UTP20: variants seen among roughly 807,000 people sequenced by gnomAD.
The protein encoded by UTP20 is UTP20 small subunit processome component, also known as small subunit processome component 20 homolog.
Under a neutral mutation model 329.5 loss-of-function variants are expected in UTP20, and 164 were observed. The ratio of observed to expected loss-of-function variants is 0.50; its 90% CI spans 0.44 to 0.57. The LOEUF (loss-of-function observed/expected upper bound fraction) is 0.57. Ranked by LOEUF, UTP20 falls within the 20% of genes least tolerant of loss-of-function variation. The probability of loss-of-function intolerance (pLI) is 0.00; values close to 1 mark genes in which losing one functional copy is unlikely to be tolerated. For missense variants in UTP20, 3,055 were observed against 3,284.2 expected, an observed-to-expected ratio of 0.93 and a Z score of 1.71; for synonymous variants, 1,151 against 1,159.3, an observed-to-expected ratio of 0.99 and a Z score of 0.14.
Position 101,356,561 on chromosome 12 carries a change from G to A in UTP20, c.5402G>A (p.Arg1801Lys), listed in dbSNP as rs1006661189. The A allele has an allele frequency of 6.2e-7, 1 of 1,610,184 alleles. No homozygotes were observed. The highest frequency in any genetic ancestry group is 1.1e-5 in the South Asian group (1 of 90,002). Residue 1801 changes from arginine to lysine, a missense_variant, in exon 42 of 62, where the codon AGG becomes AAG. Coordinates refer to ENST00000261637, the MANE Select transcript of UTP20 (RefSeq NM_014503.3). ...LHKCLASTTK[R>K]EEEHKLVKSK... ...CCTAAATTTTTCTTACAGACTAAAA[G>A]GGAAGAAGAACACAAGCTTGTCAAG...
intron 21 of UTP20, among the ~76,000 whole-genome samples, chr12:101,312,479 C>A (rs1872827112): frequency 6.6e-6 from 1 of 152,154 alleles, no homozygotes; most frequent in Non-Finnish European, 1.5e-5. Flanking sequence ...GAGTTTTGCT[C>A]TTGTTGCCCA....
In UTP20 at chr12:101,356,552, A is replaced by C; in HGVS notation, c.5395-2A>C. 1 of 1,603,162 alleles carries C rather than the reference A, an allele frequency of 6.2e-7. No individual in the cohort carries two copies. Among genetic ancestry groups the C allele is most frequent in the Non-Finnish European group, 8.5e-7 (1 of 1,176,188 alleles). ...TTAGCTTAACCTAAATTTTTCTTAC[A>C]GACTAAAAGGGAAGAAGAACACAAG... On this transcript the variant is annotated splice_acceptor_variant, in intron 41 of 61. Transcript: ENST00000261637. LOFTEE classifies it high-confidence loss of function.
chr12:101,365,256 G>A (rs1171957288), intron 45 of UTP20, among the ~76,000 whole-genome samples: 1 of 152,148 alleles, frequency 6.6e-6, no homozygotes, highest in Non-Finnish European at 1.5e-5. Flanking sequence ...AGCCTGCACA[G>A]TGGTTCTTCC....
intron 38 of UTP20, among the ~76,000 whole-genome samples, chr12:101,349,561 C>G (rs1416109573): frequency 6.6e-6 from 1 of 152,044 alleles, no homozygotes; most frequent in African/African-American, 2.4e-5. Context: ...ACCTCAGCCT[C>G]TCTGGTAACT....
chr12:101,381,824 T>A (rs1334435562), intron 58 of UTP20, among the ~76,000 whole-genome samples: 1 of 149,676 alleles, frequency 6.7e-6, no homozygotes, highest in Admixed American at 6.6e-5. Context: ...TTCAAGACCA[T>A]CTTGGCCAAT....
intron 38 of UTP20, among the ~76,000 whole-genome samples, chr12:101,351,395 G>A (rs989914647): frequency 5.9e-5 from 9 of 152,168 alleles, no homozygotes; most frequent in African/African-American, 2.2e-4. Flanking sequence ...AAAGTGCTGG[G>A]ATTACAGGCG....
At position 101,291,741 on chromosome 12, in the gene UTP20, G is replaced by A; in HGVS notation, c.892-1G>A. The stretch of plus-strand genomic sequence containing the variant: ...CTCTCTGTTAAATTCTTTGTTTGCA[G>A]GAATCGCTCTTGGATCTACACACAA... On this transcript the variant is annotated splice_acceptor_variant, in intron 8 of 61. Coordinates refer to ENST00000261637, the MANE Select transcript of UTP20 (RefSeq NM_014503.3). LOFTEE classifies it high-confidence loss of function. 1 of 1,524,904 alleles carries A rather than the reference G, an allele frequency of 6.6e-7. No individual in the cohort carries two copies. Among genetic ancestry groups the A allele is most frequent in the Non-Finnish European group, 8.8e-7 (1 of 1,140,378 alleles). 94.5% of individuals were successfully genotyped at this position (1,524,904 alleles called of 1,614,324 possible). A position where few individuals can be genotyped will look rare whatever the true frequency, so the allele number is the denominator to read the frequency against.
At chr12:101,285,197 CT>C (rs1364802682) in intron 2 of UTP20, among the ~76,000 whole-genome samples, 1 of 152,146 alleles carries the variant, frequency 6.6e-6, no homozygotes, top group African/African-American at 2.4e-5. Context: ...TGCCATATTA[CT>C]TCTTTATAAG....
intron 1 of UTP20, 137 bp from the exon 2 acceptor site, chr12:101,280,979 T>A: frequency 1.5e-6 from 1 of 663,168 alleles, no homozygotes; most frequent in Non-Finnish European, 2.5e-6. Context: ...TAAATTTGTT[T>A]ACGGCCGTAT....
intron 36 of UTP20, among the ~76,000 whole-genome samples, chr12:101,345,248 A>G (rs907715549): frequency 1.3e-5 from 2 of 151,858 alleles, no homozygotes; most frequent in Non-Finnish European, 2.9e-5. Flanking sequence ...CCTGGCCACC[A>G]GTCACTTTGG....
intron 15 of UTP20, among the ~76,000 whole-genome samples, chr12:101,303,696 A>G (rs1872584740): frequency 6.6e-6 from 1 of 152,020 alleles, no homozygotes; most frequent in Non-Finnish European, 1.5e-5. Context: ...CTTGGCTTTT[A>G]CTCTGAATGA....
intron 24 of UTP20, 64 bp downstream of exon 24, chr12:101,321,001 A>G (rs761580217): frequency 2.8e-6 from 4 of 1,404,418 alleles, no homozygotes; most frequent in Non-Finnish European, 3.9e-6. Context: ...TCTGCCTAAG[A>G]GCCTCTTCTA....
intron 23 of UTP20, among the ~76,000 whole-genome samples, chr12:101,320,318 G>A (rs897289133): frequency 5.3e-5 from 8 of 152,138 alleles, no homozygotes; most frequent in African/African-American, 1.9e-4. Flanking sequence ...CACTTTGGGA[G>A]GCCAAGGCGG....
In UTP20 at chr12:101,353,184, A is replaced by G. The variant is rs1038309703; in HGVS notation, c.5107+55A>G. On this transcript the variant is annotated intron_variant, in intron 40 of 61. Coordinates refer to ENST00000261637, the MANE Select transcript of UTP20 (RefSeq NM_014503.3). ...TTTTCATCTTATTCTTGGATAGTGT[A>G]TGGTAATTAATTAAAGATGGTGACA... 66 of 1,234,676 alleles carry G rather than the reference A, an allele frequency of 5.3e-5. No individual in the cohort carries two copies. In the Middle Eastern group the frequency reaches 8.6e-4, roughly 16 times the overall value. The allele number at this position is 1,234,676 out of a possible 1,614,324, so 76.5% of individuals were successfully genotyped here. A position where few individuals can be genotyped will look rare whatever the true frequency, so the allele number is the denominator to read the frequency against.
At chr12:101,330,729 A>C (rs1241818996) in intron 27 of UTP20, among the ~76,000 whole-genome samples, 1 of 152,182 alleles carries the variant, frequency 6.6e-6, no homozygotes, top group Non-Finnish European at 1.5e-5. Context: ...TAGTGCCTTC[A>C]CATTTTTGGT....
intron 49 of UTP20, 27 bp from the exon 50 acceptor site, chr12:101,370,405 T>G: frequency 6.2e-7 from 1 of 1,605,454 alleles, no homozygotes; most frequent in Non-Finnish European, 8.5e-7. Flanking sequence ...ATGTGCTGGC[T>G]GTTAACATCA....
rs758779275 is a variant in UTP20 at position 101,369,909 on chromosome 12, G to A, written c.6555+18G>A. 1 of 1,610,856 alleles carries A rather than the reference G, an allele frequency of 6.2e-7. No individual in the cohort carries two copies. On this transcript the variant is annotated intron_variant, in intron 49 of 61. Coordinates refer to ENST00000261637, the MANE Select transcript of UTP20 (RefSeq NM_014503.3). ...GTTTCAAGGTGAGATGTCTTCACTT[G>A]CCCTTGGAAAAAGCCAGGATGGAGC... is the stretch of plus-strand genomic sequence containing the variant.
At chr12:101,374,972 A>G (rs752190402) in intron 55 of UTP20, 33 bp downstream of exon 55, 2 of 1,547,150 alleles carry the variant, frequency 1.3e-6, no homozygotes, top group Non-Finnish European at 1.8e-6. Flanking sequence ...AAACTTTTCT[A>G]ACTTATAGTT....
In UTP20 at chr12:101,362,526, A is replaced by AGTTGTAATTTATAATTAG. The variant is rs1555202275; in HGVS notation, c.5790+466_5790+467insGTTGTAATTTATAATTAG. 1.5e-5 allele frequency among the ~76,000 whole-genome samples: 2 copies of AGTTGTAATTTATAATTAG among 137,564 alleles called. 1 individual carries two copies. The highest frequency in any genetic ancestry group is 6.8e-5 in the African/African-American group (2 of 29,452). The allele number at this position is 137,564 out of a possible 152,430, so 90.2% of individuals were successfully genotyped here. On this transcript the variant is annotated intron_variant, in intron 44 of 61. Transcript: ENST00000261637. ...TGAGACCAGCCTGGCCAACATGGTGAAACCCCGTCTCTAAGAAAAATACAA... is the reference window on the plus strand; with the variant it reads ...TGAGACCAGCCTGGCCAACATGGTGAGTTGTAATTTATAATTAGAACCCCGTCTCTAAGAAAAATACAA...
Sources: gnomAD v4.1 joint callset for allele counts (sites outside exome capture counted in the v4.1 genomes callset) on GRCh38, gnomAD v4.1.1 for gene constraint, MANE v1.5 for transcripts, NCBI Gene and HGNC (gene_info 2026-07-23, HGNC 2026-07-21) for gene names.